CPNE8: variants seen among roughly 807,000 people sequenced by gnomAD.
CPNE8 encodes copine-8.
A neutral mutation model predicts 81.5 loss-of-function variants in CPNE8; 45 were observed. The ratio of observed to expected loss-of-function variants is 0.55; its 90% CI spans 0.44 to 0.71. The LOEUF (loss-of-function observed/expected upper bound fraction) is 0.71, where lower values mean the gene tolerates loss of function less well. Among genes scored for constraint, CPNE8 ranks in the 30% least tolerant of loss-of-function variants. The probability of loss-of-function intolerance (pLI) is 0.00; values close to 1 mark genes in which losing one functional copy is unlikely to be tolerated. For missense variants in CPNE8, 594 were observed against 672.1 expected (o/e 0.88, Z 1.28); for synonymous variants, 252 against 226.3 (o/e 1.11, Z -1.02).
intron 6 of CPNE8, among the ~76,000 whole-genome samples, chr12:38,796,716 C>T (rs2136944100): frequency 6.6e-6 from 1 of 152,172 alleles, no homozygotes; most frequent in African/African-American, 2.4e-5. Flanking sequence ...GTGGAGCGCA[C>T]CATGTCCAAG....
intron 3 of CPNE8, among the ~76,000 whole-genome samples, chr12:38,861,137 A>G (rs1260416629): frequency 6.6e-6 from 1 of 152,218 alleles, no homozygotes; most frequent in African/African-American, 2.4e-5. Flanking sequence ...CAAGTCACAG[A>G]AGGACAAATA....
At chr12:38,710,097 A>C (rs1465263870) in intron 13 of CPNE8, among the ~76,000 whole-genome samples, 2 of 151,940 alleles carry the variant, frequency 1.3e-5, no homozygotes, top group Non-Finnish European at 2.9e-5. Flanking sequence ...TTGAAGATTG[A>C]TTTCTATATT....
At chr12:38,696,701 T>G (rs1319863548) in intron 14 of CPNE8, among the ~76,000 whole-genome samples, 2 of 152,202 alleles carry the variant, frequency 1.3e-5, no homozygotes, top group Non-Finnish European at 2.9e-5. Context: ...TAGAATATTT[T>G]TAAGAGTTTA....
At chr12:38,795,441 C>T (rs3886109) in intron 6 of CPNE8, among the ~76,000 whole-genome samples, 43,809 of 152,062 alleles carry the variant, frequency 0.29, 8,200 homozygotes, top group Non-Finnish European at 0.41. Context: ...AATAGCGGCA[C>T]TATTCACAAT....
At chr12:38,836,526 T>A (rs1248955882) in intron 5 of CPNE8, among the ~76,000 whole-genome samples, 1 of 151,794 alleles carries the variant, frequency 6.6e-6, no homozygotes, top group Admixed American at 6.6e-5. Flanking sequence ...TTCAAAATTA[T>A]CGGAAAAGAG....
chr12:38,845,012 C>G (rs941957507), intron 4 of CPNE8, among the ~76,000 whole-genome samples: 3 of 151,904 alleles, frequency 2.0e-5, no homozygotes, highest in Admixed American at 2.0e-4. Context: ...TCACACCCAA[C>G]TAAAACAGAA....
In CPNE8 at chr12:38,716,624, TA is replaced by T. The variant is rs566913732; in HGVS notation, c.914+7147del. Among the ~76,000 whole-genome samples the T allele has an allele frequency of 1.0e-3, 157 of 152,172 alleles. 1 individual carries two copies. The highest frequency in any genetic ancestry group is 3.5e-3 in the African/African-American group (145 of 41,522). On this transcript the variant is annotated intron_variant, in intron 13 of 19. Transcript: ENST00000331366. ...TGGAACTGAACCTCCATTTCTCACC[TA>T]ATACAAAAATCAACTCAAGATGGAT...
At chr12:38,769,517 G>T (rs1022723335) in intron 7 of CPNE8, among the ~76,000 whole-genome samples, 1 of 152,088 alleles carries the variant, frequency 6.6e-6, no homozygotes, top group Non-Finnish European at 1.5e-5. Context: ...TGTTTATTTT[G>T]AATGCCCCTT....
At chr12:38,763,068 C>T (rs1592068334) in intron 8 of CPNE8, among the ~76,000 whole-genome samples, 1 of 152,104 alleles carries the variant, frequency 6.6e-6, no homozygotes, top group African/African-American at 2.4e-5. Flanking sequence ...CATCTTGGCC[C>T]AGCTCGTCTT....
At chr12:38,684,809 T>G (rs967474648) in intron 16 of CPNE8, among the ~76,000 whole-genome samples, 1 of 152,128 alleles carries the variant, frequency 6.6e-6, no homozygotes, top group Non-Finnish European at 1.5e-5. Flanking sequence ...TAATTCAGGG[T>G]GTCATAGGAT....
At chr12:38,899,372 C>T (rs1592164077) in intron 1 of CPNE8, among the ~76,000 whole-genome samples, 1 of 152,046 alleles carries the variant, frequency 6.6e-6, no homozygotes, top group South Asian at 2.1e-4. Flanking sequence ...AAGCTGGCAG[C>T]CTGTAACCTG....
At chr12:38,852,520 T>G (rs548388321) in intron 3 of CPNE8, among the ~76,000 whole-genome samples, 5 of 151,894 alleles carry the variant, frequency 3.3e-5, no homozygotes. Flanking sequence ...GAGAATCACT[T>G]GAACCTAGGA....
At chr12:38,850,985 A>G (rs1943636318) in intron 3 of CPNE8, among the ~76,000 whole-genome samples, 1 of 152,242 alleles carries the variant, frequency 6.6e-6, no homozygotes, top group Non-Finnish European at 1.5e-5. Flanking sequence ...GAATGGCAGG[A>G]AGGCCCTTAT....
At chr12:38,843,883 G>T (rs1033054603) in intron 4 of CPNE8, among the ~76,000 whole-genome samples, 2 of 151,992 alleles carry the variant, frequency 1.3e-5, no homozygotes, top group African/African-American at 4.8e-5. Context: ...GGAGTGCAAG[G>T]GAAAAGTCTT....
intron 10 of CPNE8, among the ~76,000 whole-genome samples, chr12:38,753,281 G>GATGTATTTTA (rs1941390052): frequency 6.6e-6 from 1 of 151,880 alleles, no homozygotes; most frequent in East Asian, 1.9e-4. Context: ...GTGAAACCCC[G>GATGTATTTTA]TCTCTAATAA....
intron 6 of CPNE8, among the ~76,000 whole-genome samples, chr12:38,799,583 A>G (rs565923464): frequency 1.4e-3 from 209 of 152,314 alleles, no homozygotes; most frequent in African/African-American, 4.7e-3. Context: ...AAATGCCCAC[A>G]AGAGAAAGCA....
At chr12:38,826,876 G>A (rs1380392551) in intron 6 of CPNE8, among the ~76,000 whole-genome samples, 7 of 151,788 alleles carry the variant, frequency 4.6e-5, no homozygotes, top group Admixed American at 4.6e-4. Context: ...TTAAAAATAT[G>A]TATACCACAT....
chr12:38,713,391 G>A (rs1413449914), intron 13 of CPNE8, among the ~76,000 whole-genome samples: 1 of 152,068 alleles, frequency 6.6e-6, no homozygotes, highest in East Asian at 1.9e-4. Flanking sequence ...AAGATATAGA[G>A]TTCAGCTGAG....
At chr12:38,730,395 T>G in intron 10 of CPNE8, 37 bp from the exon 11 acceptor site, 1 of 1,198,476 alleles carries the variant, frequency 8.3e-7, no homozygotes, top group South Asian at 1.3e-5. Context: ...ATATTGGCTT[T>G]CATATATTTG....
Sources: gnomAD v4.1 joint callset for allele counts (sites outside exome capture counted in the v4.1 genomes callset) on GRCh38, gnomAD v4.1.1 for gene constraint, MANE v1.5 for transcripts, NCBI Gene and HGNC (gene_info 2026-07-23, HGNC 2026-07-21) for gene names.